Variants in CTSO observed in about 807,000 individuals in gnomAD.
CTSO encodes the protein cathepsin O.
Under a neutral mutation model 42.4 loss-of-function variants are expected in CTSO, and 40 were observed. The ratio of observed to expected loss-of-function variants is 0.94; its 90% CI spans 0.73 to 1.23. The LOEUF (loss-of-function observed/expected upper bound fraction) is 1.23. Ranked by LOEUF, CTSO falls within the 50% of genes most tolerant of loss-of-function variation. The probability of loss-of-function intolerance (pLI) is 0.00; values close to 1 mark genes in which losing one functional copy is unlikely to be tolerated. For missense variants in CTSO, 441 were observed against 396.0 expected, an observed-to-expected ratio of 1.11 and a Z score of -0.96; for synonymous variants, 156 against 146.2, an observed-to-expected ratio of 1.07 and a Z score of -0.48.
chr4:155,939,931 C>T (rs1743399584), intron 3 of CTSO, among the ~76,000 whole-genome samples: 1 of 152,122 alleles, frequency 6.6e-6, no homozygotes, highest in East Asian at 1.9e-4. Flanking sequence ...AACCTTCCAT[C>T]CCCCTTGCTT....
intron 5 of CTSO, among the ~76,000 whole-genome samples, chr4:155,933,924 T>C (rs1743282935): frequency 6.6e-6 from 1 of 152,092 alleles, no homozygotes; most frequent in Admixed American, 6.6e-5. Context: ...GATGATGCAG[T>C]AGAAAAGAAA....
chr4:155,945,235 C>T (rs954866087), intron 1 of CTSO, among the ~76,000 whole-genome samples: 22 of 151,406 alleles, frequency 1.5e-4, no homozygotes, highest in Admixed American at 2.0e-4. Context: ...CCAGCCTGGA[C>T]GACAGAGCGA....
At chr4:155,948,565 C>G (rs1435909837) in intron 1 of CTSO, among the ~76,000 whole-genome samples, 1 of 152,158 alleles carries the variant, frequency 6.6e-6, no homozygotes, top group Non-Finnish European at 1.5e-5. Flanking sequence ...CATGAAACAT[C>G]CCAGCAAGGC....
At chr4:155,929,855 C>T in intron 5 of CTSO, 150 bp from the exon 6 acceptor site, 1 of 656,614 alleles carries the variant, frequency 1.5e-6, no homozygotes. Context: ...GACTGGTAGT[C>T]TATGGCTGGG....
At position 155,949,328 on chromosome 4, in the gene CTSO, C is replaced by T. The variant is rs564374292; in HGVS notation, c.135+4385G>A. On this transcript the variant is annotated intron_variant, in intron 1 of 7. Transcript: ENST00000433477. ...TTATAAACTTTAAGGGACTTCATGT[C>T]TGTTTTATCAGCTGAAAAGGCAGTG... is the stretch of plus-strand genomic sequence containing the variant. Among the ~76,000 whole-genome samples, 6 of 152,308 alleles carry T rather than the reference C, an allele frequency of 3.9e-5. No individual in the cohort carries two copies. In the South Asian group the frequency reaches 1.2e-3, roughly 32 times the overall value.
At chr4:155,947,126 C>T (rs1743563040) in intron 1 of CTSO, among the ~76,000 whole-genome samples, 1 of 152,176 alleles carries the variant, frequency 6.6e-6, no homozygotes, top group Non-Finnish European at 1.5e-5. Context: ...TCTCAGAGTG[C>T]TGGGATCACA....
At position 155,953,794 on chromosome 4, in the gene CTSO, C is replaced by G; in HGVS notation, c.54G>C (p.Arg18=). The G allele has an allele frequency of 1.5e-6, 2 of 1,350,788 alleles. No homozygotes were observed. Among genetic ancestry groups the G allele is most frequent in the Non-Finnish European group, 1.9e-6 (2 of 1,047,828 alleles). The allele number at this position is 1,350,788 out of a possible 1,614,324, so 83.7% of individuals were successfully genotyped here. A position where few individuals can be genotyped will look rare whatever the true frequency, so the allele number is the denominator to read the frequency against. Residue 18 remains arginine (R), a synonymous_variant, in exon 1 of 8, where the codon CGG becomes CGC. Coordinates refer to ENST00000433477, the MANE Select transcript of CTSO (RefSeq NM_001334.3). ...WLPWLLWLLC[R]GGGDADSRAP... Reference sequence around the variant, plus strand: ...CGCGGGAGTCCGCATCGCCGCCGCCCCGGCACAGCAGCCACAGCAGCCACG... The same window carrying G: ...CGCGGGAGTCCGCATCGCCGCCGCCGCGGCACAGCAGCCACAGCAGCCACG...
intron 6 of CTSO, among the ~76,000 whole-genome samples, chr4:155,928,839 A>G (rs1271599691): frequency 6.6e-6 from 1 of 152,192 alleles, no homozygotes; most frequent in African/African-American, 2.4e-5. Context: ...CAGGATATCC[A>G]CTCAAAAATT....
Position 155,929,643 on chromosome 4 carries a change from T to A in CTSO, c.737A>T (p.Asp246Val), listed in dbSNP as rs1260348056. 3 of 1,614,030 alleles carry A rather than the reference T, an allele frequency of 1.9e-6. No homozygotes were observed. The highest frequency in any genetic ancestry group is 2.5e-6 in the Non-Finnish European group (3 of 1,180,004). The change falls in exon 6 of 8, where the codon GAT becomes GTT. Residue 246 changes from aspartate (D) to valine (V), a missense_variant. Physicochemically the swap from Asp to Val is radical, Grantham distance 152. Coordinates refer to ENST00000433477, the MANE Select transcript of CTSO (RefSeq NM_001334.3). ...LTFGPLVVIVDAVSWQDYLGG... is the reference protein window; with the variant it reads ...LTFGPLVVIVVAVSWQDYLGG... Reference sequence around the variant, plus strand: ...CAGATAATCTTGCCAGCTCACTGCATCTACTATGACTACCAAAGGGCCAAA... The same window carrying A: ...CAGATAATCTTGCCAGCTCACTGCAACTACTATGACTACCAAAGGGCCAAA...
intron 1 of CTSO, among the ~76,000 whole-genome samples, chr4:155,947,676 T>C (rs1013115707): frequency 2.0e-5 from 3 of 152,336 alleles, no homozygotes; most frequent in Admixed American, 1.3e-4. Context: ...TTTAAGTGAC[T>C]TTTCCGGTCT....
chr4:155,953,807 C>A lies in CTSO; in HGVS notation c.41G>T (p.Trp14Leu). 7.4e-7 allele frequency: 1 copy of A among 1,348,504 alleles called. No individual in the cohort carries two copies. Among genetic ancestry groups the A allele is most frequent in the Non-Finnish European group, 9.6e-7 (1 of 1,047,074 alleles). 83.5% of individuals were successfully genotyped at this position (1,348,504 alleles called of 1,614,324 possible). The change falls in exon 1 of 8, where the codon TGG (tryptophan) becomes TTG (leucine). Residue 14 changes from tryptophan to leucine, a missense_variant. Physicochemically the swap from Trp to Leu is moderately conservative, Grantham distance 61. Coordinates refer to ENST00000433477, the MANE Select transcript of CTSO (RefSeq NM_001334.3). ...ATCGCCGCCGCCCCGGCACAGCAGC[C>A]ACAGCAGCCACGGCAGCCACGGCAG... is the stretch of plus-strand genomic sequence containing the variant. ...RALPWLPWLLWLLCRGGGDAD... is the reference protein window; with the variant it reads ...RALPWLPWLLLLLCRGGGDAD...
At chr4:155,951,833 ACTAAT>A (rs1384237915) in intron 1 of CTSO, among the ~76,000 whole-genome samples, 1 of 152,122 alleles carries the variant, frequency 6.6e-6, no homozygotes. Flanking sequence ...TCTCCAGCTA[ACTAAT>A]CTAACTAATT....
rs571704997 is a variant in CTSO, at chr4:155,947,257, G to T, written c.136-3993C>A. Among the ~76,000 whole-genome samples the T allele has an allele frequency of 1.4e-3, 220 of 152,236 alleles. 1 individual carries two copies. Among genetic ancestry groups the T allele is most frequent in the African/African-American group, 4.0e-3 (167 of 41,544 alleles). On this transcript the variant is annotated intron_variant, in intron 1 of 7. Coordinates refer to ENST00000433477, the MANE Select transcript of CTSO (RefSeq NM_001334.3). ...CTGAGCTTTATTTCCATCAACAAATGGAGTAATACTGATCTGGAAGAATGT... is the reference window on the plus strand; with the variant it reads ...CTGAGCTTTATTTCCATCAACAAATTGAGTAATACTGATCTGGAAGAATGT...
chr4:155,949,532 T>A (rs979543033), intron 1 of CTSO, among the ~76,000 whole-genome samples: 3 of 152,226 alleles, frequency 2.0e-5, no homozygotes, highest in Non-Finnish European at 2.9e-5. Context: ...AAGCTCACTT[T>A]ATCTTCGGCA....
rs189865907 is a variant in CTSO at position 155,927,706 on chromosome 4, C to T, written c.931+630G>A. On this transcript the variant is annotated intron_variant, in intron 7 of 7. Coordinates refer to ENST00000433477, the MANE Select transcript of CTSO (RefSeq NM_001334.3). ...AGGAGAAGAGTGTGAACCCGGGAGG[C>T]GGAGCTTGCAGTGAGCCGAGATCAT... 8.1e-3 allele frequency among the ~76,000 whole-genome samples: 1,237 copies of T among 151,780 alleles called. 16 individuals carry two copies. Among genetic ancestry groups the T allele is most frequent in the African/African-American group, 0.027 (1,137 of 41,396 alleles).
chr4:155,934,512 C>A (rs532160820), intron 5 of CTSO, among the ~76,000 whole-genome samples: 3 of 152,288 alleles, frequency 2.0e-5, no homozygotes, highest in African/African-American at 7.2e-5. Context: ...CCTGGAAAAG[C>A]CACAGACACT....
chr4:155,943,478 A>G (rs1463533252), intron 1 of CTSO, among the ~76,000 whole-genome samples: 2 of 152,152 alleles, frequency 1.3e-5, no homozygotes, highest in Non-Finnish European at 2.9e-5. Flanking sequence ...AGGCTGAGAA[A>G]AGTGTATTTT....
chr4:155,934,380 G>T (rs545053738), intron 5 of CTSO, among the ~76,000 whole-genome samples: 2 of 152,230 alleles, frequency 1.3e-5, no homozygotes, highest in Non-Finnish European at 1.5e-5. Context: ...CTCTGCTAGC[G>T]CAGTGCAGAA....
At chr4:155,941,249 T>A (rs1743424890) in intron 3 of CTSO, among the ~76,000 whole-genome samples, 3 of 152,250 alleles carry the variant, frequency 2.0e-5, no homozygotes, top group Admixed American at 2.0e-4. Flanking sequence ...CCCCTCTGGT[T>A]AGGGGTTTGA....
Sources: allele counts gnomAD v4.1 joint callset (sites outside exome capture counted in the v4.1 genomes callset), GRCh38; gene constraint gnomAD v4.1.1; transcripts MANE v1.5; gene names NCBI Gene and HGNC (gene_info 2026-07-23, HGNC 2026-07-21).